Variants in MECOM observed in about 807,000 individuals in gnomAD.
MECOM encodes the protein histone-lysine N-methyltransferase MECOM.
In MECOM, 13 loss-of-function variants were observed where a neutral mutation model predicts 116.3. The observed-to-expected ratio is 0.11, with a 90% confidence interval of 0.07 to 0.18. MECOM has a LOEUF of 0.18. Among genes scored for constraint, MECOM ranks in the 10% least tolerant of loss-of-function variants. MECOM has a pLI of 1.00. For missense variants in MECOM, 1,299 were observed against 1,509.0 expected, an observed-to-expected ratio of 0.86 and a Z score of 2.31; for synonymous variants, 528 against 535.2, an observed-to-expected ratio of 0.99 and a Z score of 0.19.
At chr3:169,441,091 A>T (rs1385664013) in intron 1 of MECOM, among the ~76,000 whole-genome samples, 1 of 152,178 alleles carries the variant, frequency 6.6e-6, no homozygotes, top group African/African-American at 2.4e-5. Flanking sequence ...AATCCTGGAC[A>T]TTGCTCTGGG....
At chr3:169,642,516 C>A (rs1370257432) in intron 1 of MECOM, among the ~76,000 whole-genome samples, 1 of 139,912 alleles carries the variant, frequency 7.1e-6, no homozygotes, top group Non-Finnish European at 1.5e-5. Context: ...AGCCAACTAA[C>A]AACAAAAAAA....
chr3:169,662,943 C>G (rs997550739), intron 1 of MECOM, among the ~76,000 whole-genome samples: 1 of 151,860 alleles, frequency 6.6e-6, no homozygotes, highest in African/African-American at 2.4e-5. Context: ...AACTCTCCCC[C>G]GCCTGGGGGG....
At chr3:169,119,103 G>A (rs1420750153) in intron 7 of MECOM, among the ~76,000 whole-genome samples, 2 of 152,342 alleles carry the variant, frequency 1.3e-5, no homozygotes, top group Non-Finnish European at 2.9e-5. Context: ...GTAGGTTTCT[G>A]TAAAGGCAGT....
chr3:169,101,917 G>T, intron 11 of MECOM, 143 bp downstream of exon 11: 1 of 661,638 alleles, frequency 1.5e-6, no homozygotes, highest in Non-Finnish European at 2.3e-6. Context: ...TTCACTAAAT[G>T]AAGAACACTT....
intron 1 of MECOM, among the ~76,000 whole-genome samples, chr3:169,572,708 C>T (rs906092218): frequency 2.0e-5 from 3 of 152,028 alleles, no homozygotes; most frequent in Admixed American, 2.0e-4. Context: ...TCATCATTCT[C>T]AGCAAAATAA....
intron 2 of MECOM, among the ~76,000 whole-genome samples, chr3:169,233,310 G>C (rs952598677): frequency 6.6e-6 from 1 of 152,004 alleles, no homozygotes; most frequent in Non-Finnish European, 1.5e-5. Flanking sequence ...GTGGCAATCT[G>C]GGTCATGCGG....
At chr3:169,497,314 T>C (rs1753929567) in intron 1 of MECOM, among the ~76,000 whole-genome samples, 1 of 152,028 alleles carries the variant, frequency 6.6e-6, no homozygotes, top group Non-Finnish European at 1.5e-5. Context: ...ACTAACTAGC[T>C]CTCTAATTCT....
intron 2 of MECOM, among the ~76,000 whole-genome samples, chr3:169,230,854 C>T (rs1753304121): frequency 6.6e-6 from 1 of 152,176 alleles, no homozygotes; most frequent in Non-Finnish European, 1.5e-5. Flanking sequence ...ATCTTGCCCC[C>T]ATTCCCCTCA....
At position 169,621,042 on chromosome 3, in the gene MECOM, G is replaced by A. The variant is rs1405586358; in HGVS notation, c.37+42294C>T. Among the ~76,000 whole-genome samples, 4 of 152,284 alleles carry A rather than the reference G, an allele frequency of 2.6e-5. No homozygotes were observed. The East Asian group carries it at 7.7e-4, about 29-fold the overall frequency. ...TTTCTAATCAATAAAGTGATGCTGTGAGGCCAGCTGCTCTCCAATTTCCCT... is the reference window on the plus strand; with the variant it reads ...TTTCTAATCAATAAAGTGATGCTGTAAGGCCAGCTGCTCTCCAATTTCCCT... On this transcript the variant is annotated intron_variant, in intron 1 of 16. Coordinates refer to ENST00000651503, the MANE Select transcript of MECOM (RefSeq NM_004991.4).
At chr3:169,430,659 G>A (rs1741468819) in intron 1 of MECOM, among the ~76,000 whole-genome samples, 1 of 152,118 alleles carries the variant, frequency 6.6e-6, no homozygotes, top group Non-Finnish European at 1.5e-5. Context: ...TGCTATGTTT[G>A]CCTAAGACTG....
intron 2 of MECOM, among the ~76,000 whole-genome samples, chr3:169,252,991 C>T (rs1330258888): frequency 3.3e-5 from 5 of 152,162 alleles, no homozygotes; most frequent in African/African-American, 9.7e-5. Flanking sequence ...ATACTTAACT[C>T]ATCAAATATT....
chr3:169,431,698 C>T (rs892907451), intron 1 of MECOM, among the ~76,000 whole-genome samples: 2 of 152,168 alleles, frequency 1.3e-5, no homozygotes, highest in African/African-American at 4.8e-5. Context: ...AATCCTAAAG[C>T]CAAATACACA....
At chr3:169,496,196 G>A (rs1479947921) in intron 1 of MECOM, among the ~76,000 whole-genome samples, 1 of 152,250 alleles carries the variant, frequency 6.6e-6, no homozygotes, top group Non-Finnish European at 1.5e-5. Context: ...GGGATGGGCA[G>A]AGTCTATCAG....
chr3:169,584,177 A>G (rs1174914365), intron 1 of MECOM, among the ~76,000 whole-genome samples: 1 of 152,204 alleles, frequency 6.6e-6, no homozygotes, highest in East Asian at 1.9e-4. Flanking sequence ...CATTCTAGGA[A>G]CCAAAGCTAA....
intron 2 of MECOM, among the ~76,000 whole-genome samples, chr3:169,234,251 G>A (rs1185386661): frequency 6.6e-6 from 1 of 151,944 alleles, no homozygotes; most frequent in East Asian, 1.9e-4. Context: ...TTCAAGCGAT[G>A]ACCACTGAGA....
chr3:169,308,691 G>A (rs1210147818), intron 2 of MECOM, among the ~76,000 whole-genome samples: 7 of 152,052 alleles, frequency 4.6e-5, no homozygotes, highest in Non-Finnish European at 1.0e-4. Context: ...CCAAATAAAG[G>A]TATTTAACTC....
intron 2 of MECOM, among the ~76,000 whole-genome samples, chr3:169,376,989 A>G (rs1009850252): frequency 6.6e-6 from 1 of 152,184 alleles, no homozygotes; most frequent in African/African-American, 2.4e-5. Flanking sequence ...AAAGTAGACC[A>G]ATAGAACAGA....
In MECOM at chr3:169,107,955, G is replaced by T; in HGVS notation, c.2578-3C>A. On this transcript the variant is annotated splice_polypyrimidine_tract_variant and splice_region_variant and intron_variant, in intron 9 of 16. Coordinates refer to ENST00000651503, the MANE Select transcript of MECOM (RefSeq NM_004991.4). The stretch of plus-strand genomic sequence containing the variant: ...GTTCTCTGATCAGGCAGTTGGAACT[G>T]GGAGCAAAATTGAAACAAAAACAAA... The T allele has an allele frequency of 6.2e-7, 1 of 1,612,400 alleles. No individual in the cohort carries two copies.
intron 1 of MECOM, among the ~76,000 whole-genome samples, chr3:169,516,993 C>A (rs999512679): frequency 6.6e-6 from 1 of 152,202 alleles, no homozygotes. Context: ...GCAATAGGAA[C>A]TTTCCTTTCA....
Sources: allele counts gnomAD v4.1 joint callset (sites outside exome capture counted in the v4.1 genomes callset), GRCh38; gene constraint gnomAD v4.1.1; transcripts MANE v1.5; gene names NCBI Gene and HGNC (gene_info 2026-07-23, HGNC 2026-07-21).